The following SAMD5 variants were observed in gnomAD, a reference collection of about 807,000 sequenced individuals.
SAMD5 encodes the protein sterile alpha motif domain-containing protein 5.
In SAMD5, 13 loss-of-function variants were observed where a neutral mutation model predicts 11.3. That is an observed-to-expected ratio of 1.15 (90% confidence interval 0.75 to 1.83). The LOEUF is 1.83. SAMD5 is among the 40% of genes most tolerant of loss of function. SAMD5 has a pLI of 0.00. For synonymous variants in SAMD5, 129 were observed against 111.3 expected, an observed-to-expected ratio of 1.16 and a Z score of -1.00; for missense variants, 255 against 239.1, an observed-to-expected ratio of 1.07 and a Z score of -0.44.
At chr6:147,848,704 A>G in the SAMD5 span, among the ~76,000 whole-genome samples, 2 of 152,176 alleles carry the variant, frequency 1.3e-5, no homozygotes, top group South Asian at 2.1e-4. Flanking sequence ...AACCCTGTCC[A>G]TTCAAGTAGC....
intron 1 of SAMD5, among the ~76,000 whole-genome samples, chr6:147,557,815 T>G (rs1219467298): frequency 6.6e-6 from 1 of 152,206 alleles, no homozygotes; most frequent in Non-Finnish European, 1.5e-5. Flanking sequence ...TTTGATAAAG[T>G]GGGCTTTGCT....
At chr6:147,807,320 G>A in the SAMD5 span, among the ~76,000 whole-genome samples, 327 of 152,128 alleles carry the variant, frequency 2.1e-3, 3 homozygotes, top group African/African-American at 7.6e-3. Flanking sequence ...AGCCAGGATG[G>A]TCTCGATCTC....
intron 1 of SAMD5, among the ~76,000 whole-genome samples, chr6:147,613,797 G>A (rs1269096466): frequency 6.6e-6 from 1 of 151,874 alleles, no homozygotes; most frequent in Non-Finnish European, 1.5e-5. Context: ...GAGGAAAAAG[G>A]GAAGGAAAAT....
chr6:147,874,480 T>G, the SAMD5 span, among the ~76,000 whole-genome samples: 53 of 152,068 alleles, frequency 3.5e-4, 2 homozygotes, highest in South Asian at 0.011. Context: ...CGTTGTTGCG[T>G]GGGCAATGAC....
At chr6:147,530,546 T>C (rs1381099971) in intron 1 of SAMD5, among the ~76,000 whole-genome samples, 3 of 152,236 alleles carry the variant, frequency 2.0e-5, no homozygotes, top group African/African-American at 7.2e-5. Flanking sequence ...TATGCCATCC[T>C]GCCCAAGTAC....
intron 1 of SAMD5, among the ~76,000 whole-genome samples, chr6:147,692,817 C>T (rs913162241): frequency 1.3e-5 from 2 of 152,156 alleles, no homozygotes; most frequent in African/African-American, 2.4e-5. Flanking sequence ...ATTGAGATTG[C>T]AGGTTAGGTT....
At chr6:147,679,951 C>T (rs950892843) in intron 1 of SAMD5, among the ~76,000 whole-genome samples, 23 of 151,822 alleles carry the variant, frequency 1.5e-4, no homozygotes, top group African/African-American at 4.8e-4. Flanking sequence ...TACTTTGTTC[C>T]ATTAATTTAT....
At chr6:147,872,049 A>G in the SAMD5 span, among the ~76,000 whole-genome samples, 1 of 152,234 alleles carries the variant, frequency 6.6e-6, no homozygotes, top group Non-Finnish European at 1.5e-5. Context: ...GCATTTCTCC[A>G]GTTTGCAACA....
chr6:147,801,502 A>G, the SAMD5 span, among the ~76,000 whole-genome samples: 1 of 152,206 alleles, frequency 6.6e-6, no homozygotes, highest in Non-Finnish European at 1.5e-5. Flanking sequence ...AAGAAAGGGA[A>G]GCCTTCTCCA....
At chr6:147,646,959 G>A (rs908634853) in intron 1 of SAMD5, among the ~76,000 whole-genome samples, 9 of 148,606 alleles carry the variant, frequency 6.1e-5, no homozygotes, top group Non-Finnish European at 1.2e-4. Flanking sequence ...CCAACATGGT[G>A]AAACCTCATC....
At chr6:147,735,811 A>G (rs1791791362) in intron 1 of SAMD5, among the ~76,000 whole-genome samples, 1 of 152,134 alleles carries the variant, frequency 6.6e-6, no homozygotes, top group Non-Finnish European at 1.5e-5. Flanking sequence ...TCAAGTTTGA[A>G]ACTTCCTTAT....
At chr6:147,673,681 G>A (rs568525027) in intron 1 of SAMD5, among the ~76,000 whole-genome samples, 16 of 151,808 alleles carry the variant, frequency 1.1e-4, no homozygotes, top group Admixed American at 9.2e-4. Flanking sequence ...TTTTTAATCA[G>A]ATGTATCAAA....
intron 1 of SAMD5, among the ~76,000 whole-genome samples, chr6:147,554,497 A>G (rs554212400): frequency 2.0e-5 from 3 of 152,204 alleles, no homozygotes; most frequent in Non-Finnish European, 2.9e-5. Flanking sequence ...CTATTTTGAT[A>G]TGGCAGGCTG....
intron 1 of SAMD5, among the ~76,000 whole-genome samples, chr6:147,633,323 C>A (rs1790179214): frequency 6.6e-6 from 1 of 152,096 alleles, no homozygotes; most frequent in African/African-American, 2.4e-5. Flanking sequence ...GCACCGCCTG[C>A]CATGTCTTCT....
At chr6:147,908,600 A>G in the SAMD5 span, among the ~76,000 whole-genome samples, 3 of 152,196 alleles carry the variant, frequency 2.0e-5, no homozygotes, top group Admixed American at 1.3e-4. Flanking sequence ...ACCACTTTGC[A>G]GCAGGGAAAG....
At chr6:147,811,149 A>G in the SAMD5 span, among the ~76,000 whole-genome samples, 1 of 152,338 alleles carries the variant, frequency 6.6e-6, no homozygotes, top group South Asian at 2.1e-4. Context: ...AACTAATGTC[A>G]TAGAGTAGTA....
At chr6:147,952,714 T>C in the SAMD5 span, among the ~76,000 whole-genome samples, 1 of 152,158 alleles carries the variant, frequency 6.6e-6, no homozygotes, top group Non-Finnish European at 1.5e-5. Context: ...GGTTTTGCCA[T>C]GTTGGCCAGG....
chr6:147,541,761 C>G (rs1196523461), intron 1 of SAMD5, among the ~76,000 whole-genome samples: 2 of 152,156 alleles, frequency 1.3e-5, no homozygotes, highest in Admixed American at 1.3e-4. Flanking sequence ...AAGAGTATCC[C>G]TTCCAAATGA....
chr6:147,851,533 T>G, the SAMD5 span, among the ~76,000 whole-genome samples: 272 of 152,238 alleles, frequency 1.8e-3, 1 homozygote, highest in African/African-American at 6.1e-3. Context: ...TGAAGGCTTG[T>G]GAATAGAACC....
Sources: allele counts gnomAD v4.1 joint callset (sites outside exome capture counted in the v4.1 genomes callset), GRCh38; gene constraint gnomAD v4.1.1; transcripts MANE v1.5; gene names NCBI Gene and HGNC (gene_info 2026-07-23, HGNC 2026-07-21).